TMEM117: variants seen among roughly 807,000 people sequenced by gnomAD.
TMEM117 encodes transmembrane protein 117.
Under a neutral mutation model 52.4 loss-of-function variants are expected in TMEM117, and 27 were observed. The ratio of observed to expected loss-of-function variants is 0.51; its 90% confidence interval spans 0.38 to 0.71. TMEM117 has a LOEUF of 0.71. TMEM117 is among the 30% of genes least tolerant of loss of function. TMEM117 has a pLI of 0.00. For missense variants in TMEM117, 556 were observed against 630.5 expected (o/e 0.88, Z 1.26); for synonymous variants, 215 against 206.3 (o/e 1.04, Z -0.36).
At chr12:44,016,526 T>G (rs1054962403) in intron 3 of TMEM117, among the ~76,000 whole-genome samples, 5 of 152,182 alleles carry the variant, frequency 3.3e-5, no homozygotes, top group Non-Finnish European at 7.3e-5. Context: ...ATTATTTAAT[T>G]TTTTTTCTCT....
intron 5 of TMEM117, among the ~76,000 whole-genome samples, chr12:44,251,285 T>C (rs1210629574): frequency 1.3e-5 from 2 of 152,148 alleles, no homozygotes; most frequent in East Asian, 3.8e-4. Flanking sequence ...AAATGGAAAC[T>C]TGAAATCCCA....
chr12:44,114,904 A>T (rs528214613), intron 3 of TMEM117, among the ~76,000 whole-genome samples: 1 of 152,342 alleles, frequency 6.6e-6, no homozygotes, highest in South Asian at 2.1e-4. Context: ...TTTAAAGAAA[A>T]TCAGATACAG....
intron 5 of TMEM117, among the ~76,000 whole-genome samples, chr12:44,273,991 C>T (rs1016882207): frequency 6.6e-5 from 10 of 151,914 alleles, no homozygotes; most frequent in African/African-American, 1.7e-4. Flanking sequence ...AGAAATAAAG[C>T]GTGTCCAAAT....
chr12:43,951,497 G>T (rs1945221392), intron 3 of TMEM117, among the ~76,000 whole-genome samples: 1 of 152,116 alleles, frequency 6.6e-6, no homozygotes, highest in South Asian at 2.1e-4. Flanking sequence ...AGGTGGTTTG[G>T]GAGGTTTGGA....
rs373407912 is a variant in TMEM117, at chr12:44,388,685, A to T, written c.*13A>T. 6 of 1,603,998 alleles carry T rather than the reference A, an allele frequency of 3.7e-6. No individual in the cohort carries two copies. In the African/African-American group the frequency reaches 6.7e-5, roughly 18 times the overall value. On this transcript the variant is annotated 3_prime_UTR_variant, in exon 8 of 8. Transcript: ENST00000266534. ...ACCTACGAACTAGACTCGGAGATAG[A>T]CTTGGAGATAACACAAAAAGCAACC...
chr12:43,969,366 A>AAAAAAAAAAAT (rs1945540887), intron 3 of TMEM117, among the ~76,000 whole-genome samples: 2 of 145,522 alleles, frequency 1.4e-5, no homozygotes, highest in Admixed American at 6.8e-5. Context: ...TAAAAAAAAA[A>AAAAAAAAAAAT]AAAAAAATTA....
intron 5 of TMEM117, among the ~76,000 whole-genome samples, chr12:44,268,406 G>A (rs1950405838): frequency 6.6e-6 from 1 of 151,914 alleles, no homozygotes; most frequent in Admixed American, 6.6e-5. Context: ...GGCCTCTCCA[G>A]GTCTTGGGAT....
intron 2 of TMEM117, among the ~76,000 whole-genome samples, chr12:43,872,983 T>C (rs1245025929): frequency 3.3e-5 from 5 of 152,096 alleles, no homozygotes; most frequent in African/African-American, 9.7e-5. Flanking sequence ...GACTCTAAAA[T>C]GTAGGGGCAA....
chr12:44,045,559 A>C (rs1946868443), intron 3 of TMEM117, among the ~76,000 whole-genome samples: 7 of 152,194 alleles, frequency 4.6e-5, no homozygotes, highest in Admixed American at 4.6e-4. Context: ...GAAGTGCAGC[A>C]GTGGCCGGGC....
chr12:44,178,167 T>G (rs538656145), intron 4 of TMEM117, among the ~76,000 whole-genome samples: 3 of 152,318 alleles, frequency 2.0e-5, no homozygotes, highest in South Asian at 2.1e-4. Flanking sequence ...CTCTCATGTT[T>G]TAGATACACT....
intron 2 of TMEM117, among the ~76,000 whole-genome samples, chr12:43,920,387 C>T (rs1053910813): frequency 1.3e-5 from 2 of 151,974 alleles, no homozygotes; most frequent in Admixed American, 6.6e-5. Context: ...GTGGCAGGCA[C>T]CTGTAGTCCA....
At chr12:44,110,135 C>T (rs1948032511) in intron 3 of TMEM117, among the ~76,000 whole-genome samples, 1 of 85,018 alleles carries the variant, frequency 1.2e-5, no homozygotes, top group African/African-American at 5.9e-5. Flanking sequence ...TCTAGATAAA[C>T]AATCATGTCA....
At chr12:44,274,465 T>C (rs1473604852) in intron 5 of TMEM117, among the ~76,000 whole-genome samples, 1 of 152,054 alleles carries the variant, frequency 6.6e-6, no homozygotes, top group African/African-American at 2.4e-5. Flanking sequence ...TCTAAAAATA[T>C]ATGTAACAAC....
chr12:44,199,136 C>G (rs1302684438), intron 4 of TMEM117, among the ~76,000 whole-genome samples: 1 of 151,354 alleles, frequency 6.6e-6, no homozygotes, highest in Non-Finnish European at 1.5e-5. Flanking sequence ...TGTCCTTCAT[C>G]ATGATAAAGA....
chr12:43,870,410 C>T (rs533360104), intron 2 of TMEM117, among the ~76,000 whole-genome samples: 38 of 151,934 alleles, frequency 2.5e-4, no homozygotes, highest in African/African-American at 8.4e-4. Flanking sequence ...TAGGCATGCA[C>T]CGCCACACCC....
intron 7 of TMEM117, among the ~76,000 whole-genome samples, chr12:44,387,718 A>G (rs1952108171): frequency 6.6e-6 from 1 of 152,144 alleles, no homozygotes; most frequent in Non-Finnish European, 1.5e-5. Context: ...AGGATAACCT[A>G]CATGGAACCA....
At chr12:44,207,001 A>G (rs1445247142) in intron 4 of TMEM117, among the ~76,000 whole-genome samples, 3 of 152,246 alleles carry the variant, frequency 2.0e-5, no homozygotes, top group Non-Finnish European at 2.9e-5. Context: ...ATGATGGACA[A>G]TTAAAGCAAG....
intron 3 of TMEM117, among the ~76,000 whole-genome samples, chr12:44,125,319 G>C (rs1948306165): frequency 2.0e-5 from 3 of 152,088 alleles, no homozygotes; most frequent in Admixed American, 6.5e-5. Flanking sequence ...GTGTTAGCCA[G>C]GATGGTCTCG....
intron 3 of TMEM117, among the ~76,000 whole-genome samples, chr12:44,104,785 T>C (rs1276776442): frequency 6.6e-6 from 1 of 152,022 alleles, no homozygotes; most frequent in African/African-American, 2.4e-5. Context: ...CTCTCAATGC[T>C]TTTAACATTT....
Sources: allele counts gnomAD v4.1 joint callset (sites outside exome capture counted in the v4.1 genomes callset), GRCh38; gene constraint gnomAD v4.1.1; transcripts MANE v1.5; gene names NCBI Gene and HGNC (gene_info 2026-07-23, HGNC 2026-07-21).